Variants in COL6A2 observed in about 807,000 individuals in gnomAD.
COL6A2 encodes the protein collagen alpha-2(VI) chain.
COL6A2 carries 90 observed loss-of-function variants against 124.9 expected under a neutral mutation model. The ratio of observed to expected loss-of-function variants is 0.72; its 90% CI spans 0.61 to 0.86. The LOEUF is 0.86. Among genes scored for constraint, COL6A2 ranks in the 40% least tolerant of loss-of-function variants. COL6A2 has a pLI of 0.00. For missense variants in COL6A2, 1,607 were observed against 1,502.5 expected (o/e 1.07, Z -1.15); for synonymous variants, 793 against 618.2 (o/e 1.28, Z -4.19).
intron 27 of COL6A2, chr21:46,129,358 T>C (rs1423825389): frequency 2.5e-6 from 4 of 1,612,840 alleles, no homozygotes; most frequent in African/African-American, 1.3e-5. Flanking sequence ...GCCGTGCTGG[T>C]CTACACCGCC....
In COL6A2 at chr21:46,116,694, G is replaced by C; in HGVS notation, c.954+17G>C. The C allele has an allele frequency of 6.2e-7, 1 of 1,613,062 alleles. No homozygotes were observed. The highest frequency in any genetic ancestry group is 1.3e-5 in the African/African-American group (1 of 75,058). On this transcript the variant is annotated intron_variant, in intron 9 of 27. Transcript: ENST00000300527. The surrounding 1 kb of genome is among the most constrained non-coding windows in gnomAD (Gnocchi z 4.6). ...GGTCGCAAGGTAGGCTGGCTGGGTAGGCAGAGCCCCTCCTTCCTGCTGCTC... is the reference window on the plus strand; with the variant it reads ...GGTCGCAAGGTAGGCTGGCTGGGTACGCAGAGCCCCTCCTTCCTGCTGCTC...
intron 27 of COL6A2, among the ~76,000 whole-genome samples, chr21:46,130,096 G>A (rs539711747): frequency 1.8e-4 from 27 of 152,224 alleles, no homozygotes; most frequent in African/African-American, 5.1e-4. Flanking sequence ...GAAGGCTTCC[G>A]GTTGGGCAGC....
At chr21:46,111,941 T>C (rs1016466684) in intron 2 of COL6A2, 38 bp from the exon 3 acceptor site, 18 of 1,596,890 alleles carry the variant, frequency 1.1e-5, no homozygotes, top group African/African-American at 4.0e-5. Flanking sequence ...CAGCAGTCCC[T>C]CCTGAGGCTG....
Position 46,124,731 on chromosome 21 carries a change from C to T in COL6A2, c.1734+18C>T. Reference sequence around the variant, plus strand: ...GACCCGAGGTAGGTTGGTGGCCAGTCCCCATGCCCTCCCCCCAACCTGCCA... The same window carrying T: ...GACCCGAGGTAGGTTGGTGGCCAGTTCCCATGCCCTCCCCCCAACCTGCCA... On this transcript the variant is annotated intron_variant, in intron 22 of 27. Coordinates refer to ENST00000300527, the MANE Select transcript of COL6A2 (RefSeq NM_001849.4). 6.2e-7 allele frequency: 1 copy of T among 1,611,644 alleles called. No homozygotes were observed. The highest frequency in any genetic ancestry group is 8.5e-7 in the Non-Finnish European group (1 of 1,179,072).
intron 27 of COL6A2, among the ~76,000 whole-genome samples, chr21:46,127,177 T>C (rs969016546): frequency 6.6e-6 from 1 of 152,080 alleles, no homozygotes; most frequent in South Asian, 2.1e-4. Context: ...CGTTAGGAGC[T>C]GAGTCCCCCT....
At position 46,130,151 on chromosome 21, in the gene COL6A2, C is replaced by G. The variant is rs573157661; in HGVS notation, c.2462-1803C>G. Among the ~76,000 whole-genome samples the G allele has an allele frequency of 3.9e-5, 6 of 152,346 alleles. No homozygotes were observed. In the South Asian group the frequency reaches 1.2e-3, roughly 32 times the overall value. ...TGGCAGTCCTGGCACCATGACGTAT[C>G]TGGGCTGGTGTCATGCACAGTAGGG... On this transcript the variant is annotated intron_variant, in intron 27 of 27. Transcript: ENST00000300527.
chr21:46,123,700 G>GATGGATGGATGA (rs147343161), intron 21 of COL6A2, among the ~76,000 whole-genome samples: 135 of 150,322 alleles, frequency 9.0e-4, no homozygotes, highest in Non-Finnish European at 1.5e-3. Flanking sequence ...TGGGTAGGTG[G>GATGGATGGATGA]GTAGATGGAT....
chr21:46,110,624 G>A (rs548165441), intron 1 of COL6A2, among the ~76,000 whole-genome samples: 18 of 152,226 alleles, frequency 1.2e-4, no homozygotes, highest in African/African-American at 3.9e-4. Flanking sequence ...GCCTCCCCTA[G>A]TCCCGGTGCT....
intron 3 of COL6A2, 58 bp from the exon 4 acceptor site, chr21:46,112,746 T>C: frequency 1.9e-6 from 3 of 1,612,744 alleles, no homozygotes; most frequent in Non-Finnish European, 2.5e-6. Flanking sequence ...AGACTCGAGG[T>C]GCAGCCGCCC....
intron 27 of COL6A2, among the ~76,000 whole-genome samples, chr21:46,131,698 GGGCCTGGGGCCTGTGTCAGGGTCTCA>G (rs1280861793): frequency 2.6e-5 from 4 of 152,290 alleles, no homozygotes; most frequent in Middle Eastern, 6.8e-3. Flanking sequence ...CAGGTGGACA[GGGCCTGGGGCCTGTGTCAGGGTCTCA>G]GGCCTGGGAG....
At position 46,117,463 on chromosome 21, in the gene COL6A2, GT is replaced by G; in HGVS notation, c.1053+13del. The stretch of plus-strand genomic sequence containing the variant: ...AGACCCTGGAAACCGGGTAAGGGCC[GT>G]TTGCACCCCTCCTTCAGCCTCGGCC... On this transcript the variant is annotated intron_variant, in intron 11 of 27. Coordinates refer to ENST00000300527, the MANE Select transcript of COL6A2 (RefSeq NM_001849.4). The G allele has an allele frequency of 6.2e-7, 1 of 1,612,468 alleles. No homozygotes were observed. Among genetic ancestry groups the G allele is most frequent in the Non-Finnish European group, 8.5e-7 (1 of 1,179,736 alleles).
chr21:46,116,595 G>A lies in COL6A2; in HGVS notation c.928-56G>A, dbSNP rs2078474049. ...AGGGCTTTGCCCCCCAGAGGCAGCA[G>A]TGCCCATGATGCTTTGAGGCACCGA... On this transcript the variant is annotated intron_variant, in intron 8 of 27. Coordinates refer to ENST00000300527, the MANE Select transcript of COL6A2 (RefSeq NM_001849.4). This position sits in a 1 kb window ranked among gnomAD's most constrained non-coding sequence, Gnocchi z 4.6. The A allele has an allele frequency of 1.2e-6, 2 of 1,610,682 alleles. No individual in the cohort carries two copies. Among genetic ancestry groups the A allele is most frequent in the South Asian group, 1.1e-5 (1 of 91,044 alleles).
At chr21:46,125,173 C>A (rs2078641203) in intron 23 of COL6A2, 93 bp from the exon 24 acceptor site, 2 of 1,292,148 alleles carry the variant, frequency 1.5e-6, no homozygotes, top group Non-Finnish European at 2.2e-6. Flanking sequence ...CACACGTGGG[C>A]TGGAATGTCC....
In COL6A2 at chr21:46,131,974, A is replaced by C; in HGVS notation, c.2482A>C (p.Thr828Pro). 6.2e-7 allele frequency: 1 copy of C among 1,607,716 alleles called. No individual in the cohort carries two copies. Among genetic ancestry groups the C allele is most frequent in the South Asian group, 1.1e-5 (1 of 90,402 alleles). Residue 828 changes from threonine to proline, a missense_variant, in exon 28 of 28, where the codon ACG becomes CCG. Around this residue, in one of 3 missense-constraint regions of COL6A2, gnomAD observed 1,223 missense variants for 1,052.2 expected, o/e 1.16. Coordinates refer to ENST00000300527, the MANE Select transcript of COL6A2 (RefSeq NM_001849.4). ...CQTELSVAQC[T>P]QRPVDIVFLL... ...CACAGAGCTGTCCGTGGCACAGTGC[A>C]CGCAGCGGCCCGTGGACATCGTCTT...
rs2078479493 is a variant in COL6A2 at position 46,116,862 on chromosome 21, C to T, written c.999+48C>T. On this transcript the variant is annotated intron_variant, in intron 10 of 27. Coordinates refer to ENST00000300527, the MANE Select transcript of COL6A2 (RefSeq NM_001849.4). This position sits in a 1 kb window ranked among gnomAD's most constrained non-coding sequence, Gnocchi z 4.6. ...AGCTGGACTGGTCTCACAGAGGCAT[C>T]CCAGCCTCTGCAGGGCCCCCAGATC... The T allele has an allele frequency of 6.2e-7, 1 of 1,602,144 alleles. No individual in the cohort carries two copies. Among genetic ancestry groups the T allele is most frequent in the Non-Finnish European group, 8.5e-7 (1 of 1,170,654 alleles).
chr21:46,118,010 T>A, intron 12 of COL6A2, 74 bp downstream of exon 12: 1 of 1,427,484 alleles, frequency 7.0e-7, no homozygotes, highest in South Asian at 1.2e-5. Context: ...CAGCCCCAGC[T>A]GAGAAGCTGA....
rs545448655 is a variant in COL6A2, at chr21:46,111,888, T to G, written c.116-91T>G. On this transcript the variant is annotated intron_variant, in intron 2 of 27. Transcript: ENST00000300527. Reference sequence around the variant, plus strand: ...GCTCTGGCATTCGGGGGCAGTGAGGTCAAACCCACAAACAGGCACGGGGCC... The same window carrying G: ...GCTCTGGCATTCGGGGGCAGTGAGGGCAAACCCACAAACAGGCACGGGGCC... The G allele has an allele frequency of 7.9e-6, 11 of 1,394,374 alleles. No individual in the cohort carries two copies. The African/African-American group carries it at 1.4e-4, about 18-fold the overall frequency. 86.4% of individuals were successfully genotyped at this position (1,394,374 alleles called of 1,614,324 possible). A position where few individuals can be genotyped will look rare whatever the true frequency, so the allele number is the denominator to read the frequency against.
At chr21:46,127,680 T>G (rs537805177) in intron 27 of COL6A2, among the ~76,000 whole-genome samples, 1 of 152,086 alleles carries the variant, frequency 6.6e-6, no homozygotes, top group East Asian at 1.9e-4. Flanking sequence ...CGGGACCCCA[T>G]GATGGGCGAC....
intron 27 of COL6A2, among the ~76,000 whole-genome samples, chr21:46,131,706 G>A (rs979934876): frequency 6.6e-6 from 1 of 152,126 alleles, no homozygotes; most frequent in Non-Finnish European, 1.5e-5. Context: ...CAGGGCCTGG[G>A]GCCTGTGTCA....
Sources: allele counts gnomAD v4.1 joint callset (sites outside exome capture counted in the v4.1 genomes callset), GRCh38; gene constraint gnomAD v4.1.1; regional missense constraint gnomAD v4.1.1; non-coding constraint Gnocchi (gnomAD v3.1); transcripts MANE v1.5; gene names NCBI Gene and HGNC (gene_info 2026-07-23, HGNC 2026-07-21).